Variants in SMG7 observed in about 807,000 individuals in gnomAD.
SMG7 encodes the protein SMG7 nonsense mediated mRNA decay factor.
In SMG7, 34 loss-of-function variants were observed where a neutral mutation model predicts 148.2. The observed-to-expected ratio is 0.23, with a 90% confidence interval of 0.17 to 0.31. The LOEUF is 0.31. Ranked by LOEUF, SMG7 falls within the 10% of genes least tolerant of loss-of-function variation. The probability of loss-of-function intolerance (pLI) is 1.00; values close to 1 mark genes in which losing one functional copy is unlikely to be tolerated. For missense variants in SMG7, 1,114 were observed against 1,408.4 expected (o/e 0.79, Z 3.35); for synonymous variants, 492 against 515.1 (o/e 0.96, Z 0.61).
At chr1:183,549,432 CTGAT>C (rs1309730102) in intron 19 of SMG7, 144 bp downstream of exon 19, 10 of 656,532 alleles carry the variant, frequency 1.5e-5, no homozygotes, top group Admixed American at 2.9e-5. Context: ...CCCCTTGTCT[CTGAT>C]TGGGGCATAC....
chr1:183,535,961 T>C (rs1389795071), intron 10 of SMG7, among the ~76,000 whole-genome samples: 3 of 152,130 alleles, frequency 2.0e-5, no homozygotes, highest in Non-Finnish European at 4.4e-5. Context: ...TATATATTTT[T>C]AATATGTGTA....
intron 1 of SMG7, among the ~76,000 whole-genome samples, chr1:183,492,570 T>C (rs527504670): frequency 6.6e-6 from 1 of 152,320 alleles, no homozygotes; most frequent in South Asian, 2.1e-4. Flanking sequence ...AGCCTGCCAG[T>C]TTCTAACGAA....
intron 1 of SMG7, among the ~76,000 whole-genome samples, chr1:183,506,673 A>G (rs1488220857): frequency 5.4e-5 from 8 of 149,192 alleles, no homozygotes; most frequent in South Asian, 2.1e-4. Flanking sequence ...AAAAACACGA[A>G]AAAACTCCCA....
chr1:183,548,657 A>G (rs1670392221), intron 18 of SMG7, among the ~76,000 whole-genome samples: 1 of 152,188 alleles, frequency 6.6e-6, no homozygotes, highest in African/African-American at 2.4e-5. Flanking sequence ...AGCATTAGAG[A>G]TTCAGCTTTG....
At chr1:183,514,048 AAAG>A (rs1430951311) in intron 2 of SMG7, among the ~76,000 whole-genome samples, 1 of 151,424 alleles carries the variant, frequency 6.6e-6, no homozygotes, top group Non-Finnish European at 1.5e-5. Context: ...AAAAAAAAAA[AAAG>A]AGTAAATGAT....
In SMG7 at chr1:183,517,675, A is replaced by G. The variant is rs372193331; in HGVS notation, c.180-13A>G. The G allele has an allele frequency of 8.0e-5, 129 of 1,613,806 alleles. No individual in the cohort carries two copies. Among genetic ancestry groups the G allele is most frequent in the Non-Finnish European group, 1.1e-4 (124 of 1,179,856 alleles). On this transcript the variant is annotated splice_polypyrimidine_tract_variant and intron_variant, in intron 3 of 22. Coordinates refer to ENST00000688051, the MANE Select transcript of SMG7 (RefSeq NM_001375584.1). The stretch of plus-strand genomic sequence containing the variant: ...TCACTGCTATACCAAATAGAATTAC[A>G]TTTTGTTTTCAGCTGGAATCACGCC...
intron 1 of SMG7, among the ~76,000 whole-genome samples, chr1:183,505,945 G>A (rs952238455): frequency 3.9e-5 from 6 of 152,134 alleles, no homozygotes; most frequent in African/African-American, 2.4e-5. Flanking sequence ...CTATGCTCTT[G>A]CTTTAAATTC....
Position 183,552,850 on chromosome 1 carries a change from T to C in SMG7, c.*919T>C. ...GCTTTCAGTGTGGTTATTTTTTCTT[T>C]GGTTGGTTTTTGTGCCCCCATTCTA... is the stretch of plus-strand genomic sequence containing the variant. On this transcript the variant is annotated 3_prime_UTR_variant, in exon 23 of 23. Transcript: ENST00000688051. 11 of 1,433,348 alleles carry C rather than the reference T, an allele frequency of 7.7e-6. No homozygotes were observed. The highest frequency in any genetic ancestry group is 2.8e-5 in the Admixed American group (1 of 35,564). The allele number at this position is 1,433,348 out of a possible 1,614,324, so 88.8% of individuals were successfully genotyped here.
rs373807232 is a variant in SMG7 at position 183,533,190 on chromosome 1, C to T, written c.870C>T (p.Asn290=). The T allele has an allele frequency of 6.1e-5, 98 of 1,613,640 alleles. No homozygotes were observed. The highest frequency in any genetic ancestry group is 8.1e-5 in the Non-Finnish European group (96 of 1,179,762). ...FKRLLFQKAF[N]SQQLVHVTVI... ...GGCTGCTATTCCAAAAAGCTTTCAA[C>T]TCTCAGCAGTTAGTTCATGTCACTG... Residue 290 remains asparagine, a synonymous_variant, in exon 9 of 23, where the codon AAC becomes AAT. Coordinates refer to ENST00000688051, the MANE Select transcript of SMG7 (RefSeq NM_001375584.1).
chr1:183,547,834 A>G (rs1406900222), intron 18 of SMG7, among the ~76,000 whole-genome samples: 1 of 152,220 alleles, frequency 6.6e-6, no homozygotes, highest in African/African-American at 2.4e-5. Context: ...ATGAGTAAAT[A>G]TGAAAATAAC....
Position 183,506,902 on chromosome 1 carries a change from G to T in SMG7, c.30-5935G>T, listed in dbSNP as rs1358103845. Among the ~76,000 whole-genome samples the T allele has an allele frequency of 1.9e-4, 25 of 130,730 alleles. No individual in the cohort carries two copies. In the Admixed American group the frequency reaches 2.0e-3, roughly 10 times the overall value. 85.8% of individuals were successfully genotyped at this position (130,730 alleles called of 152,430 possible). ...TTTTTTTTTTTTTTTTTTTGGAGACGGAGTCTCACTCTGTCACCTAGGCTG... is the reference window on the plus strand; with the variant it reads ...TTTTTTTTTTTTTTTTTTTGGAGACTGAGTCTCACTCTGTCACCTAGGCTG... On this transcript the variant is annotated intron_variant, in intron 1 of 22. Transcript: ENST00000688051.
At chr1:183,525,685 T>C (rs1212862471) in intron 4 of SMG7, among the ~76,000 whole-genome samples, 1 of 151,990 alleles carries the variant, frequency 6.6e-6, no homozygotes, top group Non-Finnish European at 1.5e-5. Context: ...CAGAAAAGAA[T>C]GTAGCAATAG....
intron 12 of SMG7, among the ~76,000 whole-genome samples, chr1:183,539,197 ACTC>A (rs1272378458): frequency 2.0e-5 from 3 of 151,728 alleles, no homozygotes; most frequent in Admixed American, 1.3e-4. Flanking sequence ...CTCCACTTCA[ACTC>A]CTGATCATTT....
At chr1:183,524,929 TC>T (rs1462013852) in intron 4 of SMG7, among the ~76,000 whole-genome samples, 1 of 152,176 alleles carries the variant, frequency 6.6e-6, no homozygotes, top group Non-Finnish European at 1.5e-5. Context: ...CCTCTACTTC[TC>T]TTTTTGTACC....
intron 1 of SMG7, among the ~76,000 whole-genome samples, chr1:183,484,113 A>G (rs187994547): frequency 6.6e-6 from 1 of 152,136 alleles, no homozygotes; most frequent in East Asian, 1.9e-4. Context: ...GGAGAATTAC[A>G]TGAGAAGATA....
At position 183,538,463 on chromosome 1, in the gene SMG7, T is replaced by C. The variant is rs74129812; in HGVS notation, c.1295+23T>C. 3.9e-4 allele frequency: 586 copies of C among 1,520,126 alleles called. No individual in the cohort carries two copies. In the African/African-American group the frequency reaches 7.2e-3, roughly 19 times the overall value. 94.2% of individuals were successfully genotyped at this position (1,520,126 alleles called of 1,614,324 possible). A position where few individuals can be genotyped will look rare whatever the true frequency, so the allele number is the denominator to read the frequency against. On this transcript the variant is annotated intron_variant, in intron 12 of 22. Coordinates refer to ENST00000688051, the MANE Select transcript of SMG7 (RefSeq NM_001375584.1). ...CAGGTAGGTGATAGCTGAAGTACCT[T>C]TATCATTGCCAGTGATTGCAGTATT... is the stretch of plus-strand genomic sequence containing the variant.
Position 183,547,110 on chromosome 1 carries a change from A to G in SMG7, c.2750A>G (p.Lys917Arg), listed in dbSNP as rs1318781542. Reference protein sequence around the residue: ...PVPRMPFEDPKSSPLLPPDLL... With the variant: ...PVPRMPFEDPRSSPLLPPDLL... The stretch of plus-strand genomic sequence containing the variant: ...GATGCTTTCTGTCACTAGGACCCCA[A>G]GAGCTCCCCTCTGCTTCCTCCGGAC... Residue 917 changes from lysine to arginine, a missense_variant, in exon 18 of 23, where the codon AAG (lysine) becomes AGG (arginine). Coordinates refer to ENST00000688051, the MANE Select transcript of SMG7 (RefSeq NM_001375584.1). 1.9e-6 allele frequency: 3 copies of G among 1,549,484 alleles called. No homozygotes were observed. Among genetic ancestry groups the G allele is most frequent in the Non-Finnish European group, 2.6e-6 (3 of 1,146,510 alleles).
chr1:183,489,574 T>C (rs1420632768), intron 1 of SMG7, among the ~76,000 whole-genome samples: 1 of 152,178 alleles, frequency 6.6e-6, no homozygotes, highest in Non-Finnish European at 1.5e-5. Flanking sequence ...GAATATTTAA[T>C]GAATATCTAT....
intron 19 of SMG7, 138 bp downstream of exon 19, chr1:183,549,426 T>G: frequency 7.5e-6 from 5 of 667,350 alleles, no homozygotes; most frequent in Non-Finnish European, 1.3e-5. Flanking sequence ...TTTATCCCCC[T>G]TGTCTCTGAT....
Sources: allele counts gnomAD v4.1 joint callset (sites outside exome capture counted in the v4.1 genomes callset), GRCh38; gene constraint gnomAD v4.1.1; transcripts MANE v1.5; gene names NCBI Gene and HGNC (gene_info 2026-07-23, HGNC 2026-07-21).